The following MYBBP1A variants were observed in gnomAD, a reference collection of about 807,000 sequenced individuals.
The protein encoded by MYBBP1A is myb-binding protein 1A.
In MYBBP1A, 147 loss-of-function variants were observed where a neutral mutation model predicts 136.3. That is an observed-to-expected ratio of 1.08 (90% CI 0.94 to 1.24). The LOEUF is 1.24. Among genes scored for constraint, MYBBP1A ranks in the 50% most tolerant of loss-of-function variants. MYBBP1A has a pLI of 0.00. For missense variants in MYBBP1A, 2,060 were observed against 1,727.4 expected, an observed-to-expected ratio of 1.19 and a Z score of -3.41; for synonymous variants, 947 against 735.8, an observed-to-expected ratio of 1.29 and a Z score of -4.65.
rs1004286297 is a variant in MYBBP1A, at chr17:4,555,356, T to G, written c.-32A>C. ...CACACTCACCGAAACACGAAACACG[T>G]GTGCTCCGGCCCCAGCCGCTTCCAG... On this transcript the variant is annotated 5_prime_UTR_variant, in exon 1 of 26. Transcript: ENST00000254718. The G allele has an allele frequency of 2.5e-6, 4 of 1,570,474 alleles. No individual in the cohort carries two copies. Among genetic ancestry groups the G allele is most frequent in the Non-Finnish European group, 3.5e-6 (4 of 1,158,244 alleles).
intron 22 of MYBBP1A, 55 bp downstream of exon 22, chr17:4,542,409 G>A: frequency 6.5e-7 from 1 of 1,542,032 alleles, no homozygotes; most frequent in Non-Finnish European, 8.8e-7. Context: ...GTCAGAAGAG[G>A]GTTAAGCGGG....
intron 24 of MYBBP1A, among the ~76,000 whole-genome samples, chr17:4,540,720 C>T (rs769585558): frequency 2.0e-5 from 3 of 152,260 alleles, no homozygotes; most frequent in Middle Eastern, 3.4e-3. Context: ...CTCAGAGTCT[C>T]GGTGTCCTCC....
intron 2 of MYBBP1A, 76 bp from the exon 3 acceptor site, chr17:4,554,354 C>T (rs1217062341): frequency 7.7e-7 from 1 of 1,292,500 alleles, no homozygotes; most frequent in Non-Finnish European, 1.1e-6. Context: ...CCTTAACCTC[C>T]CTTCCCCCTT....
At position 4,552,065 on chromosome 17, in the gene MYBBP1A, T is replaced by G; in HGVS notation, c.905+60A>C. Reference sequence around the variant, plus strand: ...CCCCTGGTGGGAACCTCAGGACTAGTGGCCTAGCCCACTTCACGGACAGGG... The same window carrying G: ...CCCCTGGTGGGAACCTCAGGACTAGGGGCCTAGCCCACTTCACGGACAGGG... On this transcript the variant is annotated intron_variant, in intron 7 of 25. Coordinates refer to ENST00000254718, the MANE Select transcript of MYBBP1A (RefSeq NM_014520.4). This position sits in a 1 kb window ranked among gnomAD's most constrained non-coding sequence, Gnocchi z 4.7. 1.3e-6 allele frequency: 2 copies of G among 1,597,260 alleles called. No homozygotes were observed. Among genetic ancestry groups the G allele is most frequent in the South Asian group, 2.3e-5 (2 of 88,466 alleles).
In MYBBP1A at chr17:4,548,224, A is replaced by G; in HGVS notation, c.1643T>C (p.Phe548Ser). 6.2e-7 allele frequency: 1 copy of G among 1,610,694 alleles called. No individual in the cohort carries two copies. The highest frequency in any genetic ancestry group is 8.5e-7 in the Non-Finnish European group (1 of 1,179,942). Residue 548 changes from phenylalanine (F) to serine (S), a missense_variant, in exon 12 of 26, where the codon TTC becomes TCC. By Grantham distance (155) the Phe-to-Ser change is radical. Coordinates refer to ENST00000254718, the MANE Select transcript of MYBBP1A (RefSeq NM_014520.4). The surrounding 1 kb of genome is among the most constrained non-coding windows in gnomAD (Gnocchi z 4.2). ...GCTGTGATTCAACAGGAGGTCTGCG[A>G]ACTGCACCAGGTGGTAGGTCCAGGG... ...GQPWTYHLVQ[F>S]ADLLLNHSHN...
chr17:4,547,609 C>T (rs530678645), intron 13 of MYBBP1A: 10 of 238,082 alleles, frequency 4.2e-5, no homozygotes, highest in South Asian at 3.2e-4. Flanking sequence ...TGGGAAGAAC[C>T]GAGCGGGAGA....
In MYBBP1A at chr17:4,548,554, GC is replaced by G. The variant is rs1907212207; in HGVS notation, c.1525del (p.Ala509ProfsTer45). ...HPFSFPLENQ[A>X]REAVSSAFFS... ...GAAGGCACTGCTGACAGCCTCTCGG[GC>G]CTGGTTTTCCAAAGGGAAGGAGAAC... On this transcript the variant is annotated frameshift_variant, in exon 11 of 26. Transcript: ENST00000254718. LOFTEE classifies it high-confidence loss of function. The surrounding 1 kb of genome is among the most constrained non-coding windows in gnomAD (Gnocchi z 4.2). The G allele has an allele frequency of 1.9e-6, 3 of 1,614,106 alleles. No homozygotes were observed. Among genetic ancestry groups the G allele is most frequent in the Non-Finnish European group, 2.5e-6 (3 of 1,180,058 alleles).
chr17:4,540,113 TG>T (rs1906232186), intron 25 of MYBBP1A, 146 bp from the exon 26 acceptor site: 1 of 1,186,206 alleles, frequency 8.4e-7, no homozygotes, highest in African/African-American at 1.5e-5. Flanking sequence ...GAGGGTCCTA[TG>T]AGGGTCCTGC....
chr17:4,553,942 G>T (rs372691255), intron 4 of MYBBP1A, 25 bp from the exon 5 acceptor site: 1 of 1,613,606 alleles, frequency 6.2e-7, no homozygotes, highest in East Asian at 2.2e-5. Flanking sequence ...GGGACAGAGG[G>T]TATGAGCAGG....
Position 4,554,992 on chromosome 17 carries a change from A to G in MYBBP1A, c.199-36T>C. 1.9e-6 allele frequency: 3 copies of G among 1,611,116 alleles called. No individual in the cohort carries two copies. In the South Asian group the frequency reaches 3.3e-5, roughly 18 times the overall value. ...AAGCACACCCTCGTGTTCAATGGTG[A>G]CAACAAGGTGCACGCCCCCGCGCAC... On this transcript the variant is annotated intron_variant, in intron 1 of 25. Coordinates refer to ENST00000254718, the MANE Select transcript of MYBBP1A (RefSeq NM_014520.4).
intron 22 of MYBBP1A, 188 bp downstream of exon 22, chr17:4,542,276 T>G (rs1426522408): frequency 3.1e-6 from 2 of 655,544 alleles, no homozygotes; most frequent in African/African-American, 1.8e-5. Flanking sequence ...GTGTTCACTG[T>G]GTGGCAGGGG....
Position 4,538,926 on chromosome 17 carries a change from G to A in MYBBP1A, c.*489C>T, listed in dbSNP as rs766126424. On this transcript the variant is annotated 3_prime_UTR_variant, in exon 26 of 26. Transcript: ENST00000254718. Reference sequence around the variant, plus strand: ...GTGTTGCCTCCTCTTCCTTCCGGAAGCCAAACTGCTCCTTTATTTTTTAGA... The same window carrying A: ...GTGTTGCCTCCTCTTCCTTCCGGAAACCAAACTGCTCCTTTATTTTTTAGA... 1.3e-6 allele frequency: 1 copy of A among 782,752 alleles called. No individual in the cohort carries two copies. The highest frequency in any genetic ancestry group is 1.7e-5 in the Admixed American group (1 of 59,036). 48.5% of individuals were successfully genotyped at this position (782,752 alleles called of 1,614,324 possible). A position where few individuals can be genotyped will look rare whatever the true frequency, so the allele number is the denominator to read the frequency against.
chr17:4,553,077 C>T (rs1482064926), intron 5 of MYBBP1A, among the ~76,000 whole-genome samples: 2 of 152,224 alleles, frequency 1.3e-5, no homozygotes, highest in Admixed American at 6.5e-5. Context: ...CCACCTCGGC[C>T]TCCCAAAGTT....
Position 4,541,485 on chromosome 17 carries a change from A to C in MYBBP1A, c.3275T>G (p.Leu1092Arg). The change falls in exon 24 of 26, where the codon CTC becomes CGC. Residue 1092 changes from leucine (L) to arginine (R), a missense_variant. By Grantham distance (102) the Leu-to-Arg change is moderately radical (BLOSUM62 -2). Coordinates refer to ENST00000254718, the MANE Select transcript of MYBBP1A (RefSeq NM_014520.4). ...CACCTCATGTTTGCAGGTCCTGAAG[A>C]GAACGTTGAGCAGCTCCAGGGAGGA... ...ALSSLELLNV[L>R]FRTCKHEKLT... The C allele has an allele frequency of 6.2e-7, 1 of 1,613,550 alleles. No individual in the cohort carries two copies. The highest frequency in any genetic ancestry group is 8.5e-7 in the Non-Finnish European group (1 of 1,180,012).
intron 13 of MYBBP1A, among the ~76,000 whole-genome samples, chr17:4,546,248 A>AGCTGGGATT (rs1204517496): frequency 5.3e-5 from 8 of 152,142 alleles, no homozygotes; most frequent in Non-Finnish European, 1.2e-4. Context: ...CCTCCCAAGT[A>AGCTGGGATT]GCTGGGATTG....
In MYBBP1A at chr17:4,548,087, C is replaced by G. The variant is rs1376045024; in HGVS notation, c.1725-30G>C. ...GGGGAGACAGGCGATTCCCAGGCCC[C>G]TGCACCAGTCAGACTGCAGCGTCCT... On this transcript the variant is annotated intron_variant, in intron 12 of 25. Transcript: ENST00000254718. The surrounding 1 kb of genome is among the most constrained non-coding windows in gnomAD (Gnocchi z 4.2). The G allele has an allele frequency of 3.1e-6, 5 of 1,600,152 alleles. No homozygotes were observed. The Admixed American group carries it at 6.7e-5, about 21-fold the overall frequency.
chr17:4,555,029 G>A, intron 1 of MYBBP1A, 73 bp from the exon 2 acceptor site: 2 of 1,594,160 alleles, frequency 1.3e-6, no homozygotes, highest in Non-Finnish European at 8.6e-7. Flanking sequence ...CTGGCATCCA[G>A]GTTCGCGACC....
At position 4,555,315 on chromosome 17, in the gene MYBBP1A, G is replaced by T; in HGVS notation, c.10C>A (p.Arg4=). ...GGCGACATCGGCTGGGCGGGATCCC[G>T]GCTCTCCATCTCCGCCACACTCACC... The part of the protein sequence containing the change: MES[R]DPAQPMSPGE... Residue 4 remains arginine, a synonymous_variant, in exon 1 of 26, where the codon CGG becomes AGG. Transcript: ENST00000254718. The T allele has an allele frequency of 6.3e-7, 1 of 1,596,592 alleles. No individual in the cohort carries two copies. The highest frequency in any genetic ancestry group is 8.5e-7 in the Non-Finnish European group (1 of 1,172,834).
chr17:4,544,528 T>C lies in MYBBP1A; in HGVS notation c.2600A>G (p.Gln867Arg). The C allele has an allele frequency of 1.3e-6, 2 of 1,554,744 alleles. No individual in the cohort carries two copies. The highest frequency in any genetic ancestry group is 1.7e-6 in the Non-Finnish European group (2 of 1,149,630). ...RRSLRSSSSK[Q>R]EQDLLHKTAR... ...CGTCTTGTGCAGAAGGTCCTGCTCC[T>C]GTTTGGAGCTGCTGCTGCGCAGGCT... The change falls in exon 19 of 26, where the codon CAG becomes CGG. Residue 867 changes from glutamine (Q) to arginine (R), a missense_variant. Gln to Arg is a conservative substitution (Grantham distance 43). Transcript: ENST00000254718.
Sources: allele counts gnomAD v4.1 joint callset (sites outside exome capture counted in the v4.1 genomes callset), GRCh38; gene constraint gnomAD v4.1.1; non-coding constraint Gnocchi (gnomAD v3.1); transcripts MANE v1.5; gene names NCBI Gene and HGNC (gene_info 2026-07-23, HGNC 2026-07-21).